The following ARNT2 variants were observed in gnomAD, a reference collection of about 807,000 sequenced individuals.
ARNT2 encodes ARNT protein 2.
ARNT2 carries 36 observed loss-of-function variants against 91.7 expected under a neutral mutation model. The ratio of observed to expected loss-of-function variants is 0.39; its 90% CI spans 0.30 to 0.52. ARNT2 has a LOEUF of 0.52. Ranked by LOEUF, ARNT2 falls within the 20% of genes least tolerant of loss-of-function variation. ARNT2 has a pLI of 0.72. For synonymous variants in ARNT2, 365 were observed against 347.1 expected (o/e 1.05, Z -0.57); for missense variants, 775 against 939.3 (o/e 0.83, Z 2.29).
chr15:80,462,593 G>A (rs993967466), intron 3 of ARNT2, among the ~76,000 whole-genome samples: 3 of 152,140 alleles, frequency 2.0e-5, no homozygotes, highest in South Asian at 2.1e-4. Flanking sequence ...AGGAGTTCTC[G>A]TATCTGTTGC....
At position 80,597,053 on chromosome 15, in the gene ARNT2, G is replaced by A. The variant is rs931586597; in HGVS notation, c.*3355G>A. 2.1e-6 allele frequency: 1 copy of A among 474,068 alleles called. No homozygotes were observed. The highest frequency in any genetic ancestry group is 2.0e-5 in the African/African-American group (1 of 50,968). 29.4% of individuals were successfully genotyped at this position (474,068 alleles called of 1,614,324 possible). A position where few individuals can be genotyped will look rare whatever the true frequency, so the allele number is the denominator to read the frequency against. On this transcript the variant is annotated 3_prime_UTR_variant, in exon 19 of 19. Coordinates refer to ENST00000303329, the MANE Select transcript of ARNT2 (RefSeq NM_014862.4). The stretch of plus-strand genomic sequence containing the variant: ...TGAGACGTGAATGTTGCAGAGAGTG[G>A]GGGGATTCTGGTTGTTAAGGAACTT...
chr15:80,520,012 T>C (rs1370402618), intron 8 of ARNT2, among the ~76,000 whole-genome samples: 1 of 151,346 alleles, frequency 6.6e-6, no homozygotes, highest in African/African-American at 2.4e-5. Flanking sequence ...TTTTTTTTTT[T>C]TTTAAATCTT....
At chr15:80,459,596 C>G (rs1896524879) in intron 3 of ARNT2, among the ~76,000 whole-genome samples, 1 of 152,118 alleles carries the variant, frequency 6.6e-6, no homozygotes, top group Non-Finnish European at 1.5e-5. Flanking sequence ...GTTTGTTTGA[C>G]ATTGAAAAGA....
intron 8 of ARNT2, among the ~76,000 whole-genome samples, chr15:80,516,160 C>T (rs573951419): frequency 1.1e-4 from 17 of 152,174 alleles, no homozygotes; most frequent in Admixed American, 7.9e-4. Context: ...CGTGAGCCAC[C>T]GCACCCAGCC....
chr15:80,406,085 C>T (rs2141548998), intron 1 of ARNT2, among the ~76,000 whole-genome samples: 1 of 152,206 alleles, frequency 6.6e-6, no homozygotes, highest in Admixed American at 6.5e-5. Flanking sequence ...GTGGCCATGG[C>T]TGGACCAGAG....
At chr15:80,433,278 T>TTTTAG (rs1356780380) in intron 1 of ARNT2, among the ~76,000 whole-genome samples, 11 of 145,026 alleles carry the variant, frequency 7.6e-5, no homozygotes, top group African/African-American at 2.8e-4. Flanking sequence ...TTTTATTTTA[T>TTTTAG]TTTATTTTAT....
intron 6 of ARNT2, among the ~76,000 whole-genome samples, chr15:80,512,105 A>G (rs934357912): frequency 2.6e-5 from 4 of 152,178 alleles, no homozygotes; most frequent in Admixed American, 2.6e-4. Context: ...GCTTTAAAAT[A>G]AGTATCTATT....
intron 8 of ARNT2, among the ~76,000 whole-genome samples, chr15:80,540,401 A>G (rs1304378894): frequency 6.6e-6 from 1 of 152,180 alleles, no homozygotes; most frequent in African/African-American, 2.4e-5. Flanking sequence ...TGTTTCCTTA[A>G]TGACAAATGA....
intron 3 of ARNT2, 122 bp downstream of exon 3, chr15:80,458,098 C>T: frequency 9.6e-7 from 1 of 1,042,000 alleles, no homozygotes. Flanking sequence ...TTGACTGGTC[C>T]CTCACTCTGT....
chr15:80,563,343 C>T, intron 12 of ARNT2, 104 bp downstream of exon 12: 1 of 1,435,864 alleles, frequency 7.0e-7, no homozygotes, highest in Non-Finnish European at 9.7e-7. Flanking sequence ...GCTCTCCCTG[C>T]AGCTGGAAAT....
At chr15:80,524,338 G>C (rs1897599225) in intron 8 of ARNT2, among the ~76,000 whole-genome samples, 1 of 152,174 alleles carries the variant, frequency 6.6e-6, no homozygotes, top group South Asian at 2.1e-4. Context: ...AGAATAACCT[G>C]GCAGTGTGTA....
At chr15:80,563,280 G>T (rs368438348) in intron 12 of ARNT2, 41 bp downstream of exon 12, 6 of 1,611,372 alleles carry the variant, frequency 3.7e-6, no homozygotes, top group South Asian at 3.3e-5. Flanking sequence ...ATCCACATGC[G>T]CTTGCTTGGG....
intron 1 of ARNT2, among the ~76,000 whole-genome samples, chr15:80,450,423 C>G (rs1006831789): frequency 6.6e-6 from 1 of 152,140 alleles, no homozygotes; most frequent in Non-Finnish European, 1.5e-5. Context: ...TGCTTGAACA[C>G]GAACCTAGGG....
In ARNT2 at chr15:80,474,992, A is replaced by G. The variant is rs1287427322; in HGVS notation, c.409-18A>G. ...GGTCTGTCAGTGTATTGTGCCAATC[A>G]TAATCTTTTCTTTATAGGAACTGAA... On this transcript the variant is annotated intron_variant, in intron 4 of 18. Transcript: ENST00000303329. The G allele has an allele frequency of 3.7e-6, 6 of 1,613,278 alleles. No individual in the cohort carries two copies. The highest frequency in any genetic ancestry group is 5.1e-6 in the Non-Finnish European group (6 of 1,179,674).
chr15:80,482,312 G>C (rs1459673944), intron 5 of ARNT2, among the ~76,000 whole-genome samples: 1 of 152,176 alleles, frequency 6.6e-6, no homozygotes, highest in Non-Finnish European at 1.5e-5. Flanking sequence ...CACTTGCCCA[G>C]GATTGGGGAA....
In ARNT2 at chr15:80,492,459, A is replaced by G. The variant is rs555288706; in HGVS notation, c.623-15697A>G. Among the ~76,000 whole-genome samples the G allele has an allele frequency of 6.6e-5, 10 of 152,240 alleles. No homozygotes were observed. The South Asian group carries it at 1.7e-3, about 25-fold the overall frequency. On this transcript the variant is annotated intron_variant, in intron 5 of 18. Transcript: ENST00000303329. The stretch of plus-strand genomic sequence containing the variant: ...ACCTGATGTCCAATGTGTAAGAACT[A>G]TTCTATAGATTTTACTGGGTGCTTG...
chr15:80,531,768 T>C (rs569959431), intron 8 of ARNT2, among the ~76,000 whole-genome samples: 1 of 152,314 alleles, frequency 6.6e-6, no homozygotes, highest in South Asian at 2.1e-4. Context: ...TTTGGACTCA[T>C]TGAATGTCAG....
chr15:80,586,943 G>A (rs1335637482), intron 17 of ARNT2, among the ~76,000 whole-genome samples: 4 of 152,124 alleles, frequency 2.6e-5, no homozygotes, highest in African/African-American at 9.7e-5. Flanking sequence ...CACAGGCAGG[G>A]AGCCAGTAGG....
intron 5 of ARNT2, among the ~76,000 whole-genome samples, chr15:80,505,166 C>G (rs1178981885): frequency 6.6e-6 from 1 of 152,202 alleles, no homozygotes; most frequent in African/African-American, 2.4e-5. Flanking sequence ...AGATCTTGCT[C>G]TTTCATTTTT....
Sources: allele counts gnomAD v4.1 joint callset (sites outside exome capture counted in the v4.1 genomes callset), GRCh38; gene constraint gnomAD v4.1.1; transcripts MANE v1.5; gene names NCBI Gene and HGNC (gene_info 2026-07-23, HGNC 2026-07-21).